TMEM266: variants seen among roughly 807,000 people sequenced by gnomAD.
The protein encoded by TMEM266 is Hv1 related protein 1.
Under a neutral mutation model 50.5 loss-of-function variants are expected in TMEM266, and 33 were observed. That is an observed-to-expected ratio of 0.65 (90% confidence interval 0.50 to 0.87). The LOEUF (loss-of-function observed/expected upper bound fraction) is 0.87. Among genes scored for constraint, TMEM266 ranks in the 40% least tolerant of loss-of-function variants. The pLI is 0.00. For missense variants in TMEM266, 655 were observed against 695.1 expected (o/e 0.94, Z 0.65); for synonymous variants, 310 against 292.3 (o/e 1.06, Z -0.62).
intron 1 of TMEM266, among the ~76,000 whole-genome samples, chr15:76,106,350 C>T (rs181118458): frequency 1.3e-5 from 2 of 152,220 alleles, no homozygotes; most frequent in East Asian, 3.9e-4. Flanking sequence ...ATCCTTTCTA[C>T]TTTTTTTAAA....
intron 3 of TMEM266, 31 bp from the exon 4 acceptor site, chr15:76,156,573 G>A: frequency 6.2e-7 from 1 of 1,611,096 alleles, no homozygotes; most frequent in Non-Finnish European, 8.5e-7. Flanking sequence ...CCCACTCTGA[G>A]CCTCTCTTCT....
At chr15:76,083,172 T>C (rs1008108191) in intron 1 of TMEM266, among the ~76,000 whole-genome samples, 1 of 151,308 alleles carries the variant, frequency 6.6e-6, no homozygotes, top group African/African-American at 2.4e-5. Flanking sequence ...CCAAACTAGA[T>C]CAATGGTCAC....
At position 76,072,279 on chromosome 15, in the gene TMEM266, A is replaced by C. The variant is rs1004872210; in HGVS notation, c.-97+12263A>C. Among the ~76,000 whole-genome samples the C allele has an allele frequency of 3.4e-4, 52 of 152,032 alleles. 1 individual carries two copies. Among genetic ancestry groups the C allele is most frequent in the Non-Finnish European group, 2.9e-5 (2 of 67,988 alleles). On this transcript the variant is annotated intron_variant, in intron 1 of 10. Transcript: ENST00000388942. ...CATGGAAAAACCCCGTCTCTACTAA[A>C]AATATAAAATTAGCAGGGTGTGGTG...
intron 5 of TMEM266, among the ~76,000 whole-genome samples, chr15:76,169,475 C>G (rs2142059059): frequency 6.6e-6 from 1 of 152,140 alleles, no homozygotes; most frequent in African/African-American, 2.4e-5. Flanking sequence ...ACAGGAGAGG[C>G]AGGCAAGGTC....
intron 9 of TMEM266, among the ~76,000 whole-genome samples, chr15:76,201,116 C>G (rs1308946057): frequency 6.6e-6 from 1 of 152,098 alleles, no homozygotes; most frequent in Non-Finnish European, 1.5e-5. Flanking sequence ...GAGGACAGCC[C>G]TCAGCCCTCC....
intron 1 of TMEM266, among the ~76,000 whole-genome samples, chr15:76,105,084 A>G (rs962700148): frequency 2.6e-5 from 4 of 151,132 alleles, no homozygotes; most frequent in African/African-American, 2.5e-5. Context: ...CATCTCTACT[A>G]AAAATACAAA....
chr15:76,069,634 C>T (rs947001885), intron 1 of TMEM266, among the ~76,000 whole-genome samples: 5 of 152,104 alleles, frequency 3.3e-5, no homozygotes, highest in African/African-American at 1.2e-4. Context: ...GCCTGGTCAA[C>T]ATGGTGAAAC....
At chr15:76,085,415 A>G (rs1268215301) in intron 1 of TMEM266, among the ~76,000 whole-genome samples, 1 of 151,318 alleles carries the variant, frequency 6.6e-6, no homozygotes, top group Non-Finnish European at 1.5e-5. Flanking sequence ...GCACCACCAC[A>G]CCTGGCTAAT....
intron 1 of TMEM266, among the ~76,000 whole-genome samples, chr15:76,080,334 C>G: frequency 1.4e-3 from 1 of 724 alleles, no homozygotes; most frequent in Non-Finnish European, 3.2e-3. Flanking sequence ...CTCACTGCAA[C>G]CTCTGCCTCC....
At chr15:76,084,551 G>A (rs1323526481) in intron 1 of TMEM266, among the ~76,000 whole-genome samples, 1 of 152,070 alleles carries the variant, frequency 6.6e-6, no homozygotes, top group Non-Finnish European at 1.5e-5. Flanking sequence ...GCCTATTTCT[G>A]GTGAAATTTG....
chr15:76,142,206 T>C (rs954686661), intron 3 of TMEM266, among the ~76,000 whole-genome samples: 2 of 152,174 alleles, frequency 1.3e-5, no homozygotes, highest in Non-Finnish European at 2.9e-5. Flanking sequence ...CTGGCCAACA[T>C]GGCAAAACCC....
intron 8 of TMEM266, among the ~76,000 whole-genome samples, chr15:76,190,172 G>C (rs2038546661): frequency 6.6e-6 from 1 of 152,252 alleles, no homozygotes. Flanking sequence ...TGCCCTAGGT[G>C]GTGGGTCAGG....
chr15:76,107,861 T>C (rs927340920), intron 1 of TMEM266, among the ~76,000 whole-genome samples: 3 of 152,232 alleles, frequency 2.0e-5, no homozygotes, highest in African/African-American at 7.2e-5. Context: ...ACTACTCTTA[T>C]TCCATATCCT....
intron 8 of TMEM266, chr15:76,181,537 G>C (rs992988894): frequency 6.6e-6 from 1 of 152,170 alleles, no homozygotes; most frequent in African/African-American, 2.4e-5. Context: ...CAATTCCTTA[G>C]GTGGAAGTTC....
At chr15:76,075,169 A>C (rs1462332073) in intron 1 of TMEM266, among the ~76,000 whole-genome samples, 1 of 152,088 alleles carries the variant, frequency 6.6e-6, no homozygotes, top group African/African-American at 2.4e-5. Flanking sequence ...GGAGACAGAA[A>C]TTTTAGAGCC....
chr15:76,124,393 A>G (rs1287057206), intron 1 of TMEM266, among the ~76,000 whole-genome samples: 3 of 152,218 alleles, frequency 2.0e-5, no homozygotes, highest in African/African-American at 7.2e-5. Flanking sequence ...AAATTGTAGA[A>G]TGCACAAATA....
intron 10 of TMEM266, 98 bp from the exon 11 acceptor site, chr15:76,203,641 CCA>C: frequency 1.8e-6 from 2 of 1,126,492 alleles, no homozygotes; most frequent in Non-Finnish European, 2.6e-6. Context: ...TACAGCCTAG[CCA>C]CACTCATTGC....
At position 76,204,646 on chromosome 15, in the gene TMEM266, C is replaced by T. The variant is rs1009874473; in HGVS notation, c.*331C>T. The T allele has an allele frequency of 4.4e-5, 9 of 202,610 alleles. No individual in the cohort carries two copies. Among genetic ancestry groups the T allele is most frequent in the Admixed American group, 1.6e-4 (3 of 19,044 alleles). The allele number at this position is 202,610 out of a possible 1,614,324, so 12.6% of individuals were successfully genotyped here. On this transcript the variant is annotated 3_prime_UTR_variant, in exon 11 of 11. Transcript: ENST00000388942. ...CCAGCTCAGCCTCTTGCGTTGCCTT[C>T]GTTCCTGACGCCCACCCTGGACTCT...
chr15:76,064,841 G>A (rs183033455), intron 1 of TMEM266, among the ~76,000 whole-genome samples: 1 of 152,336 alleles, frequency 6.6e-6, no homozygotes, highest in East Asian at 1.9e-4. Context: ...CGTAATGCAT[G>A]CAATGCTTCA....
Sources: allele counts gnomAD v4.1 joint callset (sites outside exome capture counted in the v4.1 genomes callset), GRCh38; gene constraint gnomAD v4.1.1; transcripts MANE v1.5; gene names NCBI Gene and HGNC (gene_info 2026-07-23, HGNC 2026-07-21).